The following ZFHX4 variants were observed in gnomAD, a reference collection of about 807,000 sequenced individuals.
ZFHX4 encodes zinc finger homeobox protein 4.
In ZFHX4, 56 loss-of-function variants were observed where a neutral mutation model predicts 267.6. The observed-to-expected ratio is 0.21, with a 90% CI of 0.17 to 0.26. The LOEUF is 0.26. ZFHX4 is among the 10% of genes least tolerant of loss of function. The pLI is 1.00. For missense variants in ZFHX4, 4,332 were observed against 4,420.0 expected (o/e 0.98, Z 0.56); for synonymous variants, 1,778 against 1,665.6 (o/e 1.07, Z -1.64).
At chr8:76,832,032 T>C (rs1295749998) in intron 4 of ZFHX4, among the ~76,000 whole-genome samples, 1 of 151,914 alleles carries the variant, frequency 6.6e-6, no homozygotes, top group Non-Finnish European at 1.5e-5. Context: ...TTATTATGAT[T>C]GTATTGTTTT....
At chr8:76,701,320 C>T (rs1276932900) in intron 1 of ZFHX4, among the ~76,000 whole-genome samples, 4 of 151,990 alleles carry the variant, frequency 2.6e-5, no homozygotes, top group Non-Finnish European at 5.9e-5. Flanking sequence ...AGGTATTTGA[C>T]TTAGTTTCTG....
intron 1 of ZFHX4, among the ~76,000 whole-genome samples, chr8:76,688,845 C>A (rs995141721): frequency 1.1e-4 from 16 of 152,112 alleles, no homozygotes; most frequent in Non-Finnish European, 1.3e-4. Flanking sequence ...CAGATATTAA[C>A]CCAACTTGTT....
chr8:76,790,471 G>T (rs979026507), intron 4 of ZFHX4, among the ~76,000 whole-genome samples: 2 of 151,966 alleles, frequency 1.3e-5, no homozygotes, highest in Non-Finnish European at 2.9e-5. Context: ...AAGGATAACA[G>T]ACCAAAGTAC....
At position 76,852,692 on chromosome 8, in the gene ZFHX4, A is replaced by T. The variant is rs770471126; in HGVS notation, c.5771A>T (p.Tyr1924Phe). Residue 1924 changes from tyrosine (Y) to phenylalanine (F), a missense_variant, in exon 10 of 11, where the codon TAT becomes TTT. By Grantham distance (22) the Tyr-to-Phe change is conservative (BLOSUM62 3). Around this residue, in one of 7 missense-constraint regions of ZFHX4, gnomAD observed 1,371 missense variants for 1,423.1 expected, o/e 0.96. Coordinates refer to ENST00000651372, the MANE Select transcript of ZFHX4 (RefSeq NM_024721.5). ...TTTGGTTTTGAACTGGTCATTCAGT[A>T]TAACGAAAACAGGCAGAAGGTACAG... ...ENFGFELVIQ[Y>F]NENRQKVQKK... 1 of 1,613,952 alleles carries T rather than the reference A, an allele frequency of 6.2e-7. No individual in the cohort carries two copies. The highest frequency in any genetic ancestry group is 8.5e-7 in the Non-Finnish European group (1 of 1,179,856).
intron 4 of ZFHX4, among the ~76,000 whole-genome samples, chr8:76,810,540 A>G (rs1053659290): frequency 1.3e-5 from 2 of 152,166 alleles, no homozygotes; most frequent in African/African-American, 2.4e-5. Flanking sequence ...TTCAGAGGTC[A>G]CAGACAGGAA....
At chr8:76,687,627 T>C (rs184442819) in intron 1 of ZFHX4, among the ~76,000 whole-genome samples, 78 of 152,302 alleles carry the variant, frequency 5.1e-4, no homozygotes, top group African/African-American at 1.5e-3. Context: ...TTTCCACCCA[T>C]TGGTTAACAT....
intron 3 of ZFHX4, among the ~76,000 whole-genome samples, chr8:76,708,685 G>A (rs1317608636): frequency 6.6e-6 from 1 of 152,092 alleles, no homozygotes; most frequent in Non-Finnish European, 1.5e-5. Context: ...TTATACAATG[G>A]CAAATATACT....
At chr8:76,768,952 G>T (rs1810184737) in intron 3 of ZFHX4, among the ~76,000 whole-genome samples, 1 of 152,144 alleles carries the variant, frequency 6.6e-6, no homozygotes. Context: ...AGAAAGTTGA[G>T]CTAGGTGTGG....
intron 4 of ZFHX4, among the ~76,000 whole-genome samples, chr8:76,778,842 C>CA (rs960752944): frequency 2.0e-5 from 3 of 151,888 alleles, no homozygotes; most frequent in Non-Finnish European, 4.4e-5. Context: ...CATTCTGAGA[C>CA]AAAAAAAGAT....
intron 1 of ZFHX4, among the ~76,000 whole-genome samples, chr8:76,690,547 T>A (rs1214799358): frequency 1.3e-5 from 2 of 152,082 alleles, no homozygotes; most frequent in African/African-American, 4.8e-5. Context: ...TTCAAAAATA[T>A]AGTGCTTAGT....
intron 4 of ZFHX4, among the ~76,000 whole-genome samples, chr8:76,791,475 T>C (rs1810834496): frequency 6.6e-6 from 1 of 152,160 alleles, no homozygotes; most frequent in Admixed American, 6.6e-5. Flanking sequence ...ATGTACTGTC[T>C]TTATAAATGA....
In ZFHX4 at chr8:76,855,351, C is replaced by A. The variant is rs1812685677; in HGVS notation, c.8430C>A (p.Ile2810=). 6.2e-7 allele frequency: 1 copy of A among 1,613,570 alleles called. No individual in the cohort carries two copies. Among genetic ancestry groups the A allele is most frequent in the Non-Finnish European group, 8.5e-7 (1 of 1,179,810 alleles). ...FDETSSINTA[I]SDATTGDEGN... ...AGACTTCATCGATTAATACGGCAAT[C>A]AGTGACGCCACCACCGGAGACGAGG... Residue 2810 remains isoleucine (I), a synonymous_variant, in exon 10 of 11, where the codon ATC becomes ATA. Transcript: ENST00000651372.
chr8:76,834,720 C>A (rs996391023), intron 5 of ZFHX4, among the ~76,000 whole-genome samples: 5 of 152,014 alleles, frequency 3.3e-5, no homozygotes, highest in African/African-American at 1.2e-4. Context: ...CCAACAGTAT[C>A]TTTCAAAGAG....
At chr8:76,834,764 C>G (rs1812026684) in intron 5 of ZFHX4, among the ~76,000 whole-genome samples, 1 of 151,942 alleles carries the variant, frequency 6.6e-6, no homozygotes, top group South Asian at 2.1e-4. Flanking sequence ...TCCAACTTAT[C>G]AATTCTTTCT....
intron 5 of ZFHX4, among the ~76,000 whole-genome samples, chr8:76,834,905 T>C (rs952821808): frequency 6.6e-6 from 1 of 151,820 alleles, no homozygotes; most frequent in Non-Finnish European, 1.5e-5. Flanking sequence ...GTAACCCATT[T>C]TGAGTGAATG....
rs1813052120 is a variant in ZFHX4 at position 76,867,003 on chromosome 8, T to C, written c.*2438T>C. On this transcript the variant is annotated 3_prime_UTR_variant, in exon 11 of 11. Coordinates refer to ENST00000651372, the MANE Select transcript of ZFHX4 (RefSeq NM_024721.5). ...CCTGAGGTTTTAATAAAAGCCCCTA[T>C]GGCTATAACTTTAAATAAACTAAAC... is the stretch of plus-strand genomic sequence containing the variant. 4 of 152,608 alleles carry C rather than the reference T, an allele frequency of 2.6e-5. No homozygotes were observed. Among genetic ancestry groups the C allele is most frequent in the Non-Finnish European group, 5.9e-5 (4 of 68,016 alleles). 9.5% of individuals were successfully genotyped at this position (152,608 alleles called of 1,614,324 possible).
intron 3 of ZFHX4, among the ~76,000 whole-genome samples, chr8:76,768,822 A>G (rs1012112762): frequency 6.6e-6 from 1 of 152,200 alleles, no homozygotes; most frequent in African/African-American, 2.4e-5. Flanking sequence ...AAGAGAGAAA[A>G]TGAAATAATA....
intron 6 of ZFHX4, among the ~76,000 whole-genome samples, chr8:76,844,027 G>T (rs775467136): frequency 1.3e-5 from 2 of 152,100 alleles, no homozygotes; most frequent in Non-Finnish European, 2.9e-5. Context: ...AAGATCTAAG[G>T]TTGGTATTAA....
At chr8:76,830,576 T>G (rs1349121737) in intron 4 of ZFHX4, among the ~76,000 whole-genome samples, 1 of 152,320 alleles carries the variant, frequency 6.6e-6, no homozygotes, top group East Asian at 1.9e-4. Context: ...CAAAAGCTCC[T>G]TTATTAAAAT....
Sources: gnomAD v4.1 joint callset for allele counts (sites outside exome capture counted in the v4.1 genomes callset) on GRCh38, gnomAD v4.1.1 for gene constraint, gnomAD v4.1.1 regional missense constraint, MANE v1.5 for transcripts, NCBI Gene and HGNC (gene_info 2026-07-23, HGNC 2026-07-21) for gene names.